Variants in ZNF624 observed in about 807,000 individuals in gnomAD.
ZNF624 encodes zinc finger protein 624.
Under a neutral mutation model 74.7 loss-of-function variants are expected in ZNF624, and 43 were observed. The ratio of observed to expected loss-of-function variants is 0.58; its 90% CI spans 0.45 to 0.74. ZNF624 has a LOEUF of 0.74. Ranked by LOEUF, ZNF624 falls within the 30% of genes least tolerant of loss-of-function variation. The pLI is 0.00. For synonymous variants in ZNF624, 331 were observed against 341.3 expected (o/e 0.97, Z 0.33); for missense variants, 820 against 1,030.0 (o/e 0.80, Z 2.79).
intron 3 of ZNF624, among the ~76,000 whole-genome samples, chr17:16,636,337 G>GGGAAGGTTTCTCTTTAT (rs1406059489): frequency 1.3e-5 from 2 of 152,098 alleles, no homozygotes; most frequent in African/African-American, 4.8e-5. Flanking sequence ...TAGTTGCTGA[G>GGGAAGGTTTCTCTTTAT]GGAAGGTTTC....
In ZNF624 at chr17:16,622,512, G is replaced by A; in HGVS notation, c.2374C>T (p.Leu792=). 1.2e-6 allele frequency: 2 copies of A among 1,613,848 alleles called. No individual in the cohort carries two copies. Among genetic ancestry groups the A allele is most frequent in the Non-Finnish European group, 1.7e-6 (2 of 1,179,854 alleles). ...CTCTGATGTAGGGTTAGCTGTGATAGAGTAATACAACCCTTTCCACATTCC... is the reference window on the plus strand; with the variant it reads ...CTCTGATGTAGGGTTAGCTGTGATAAAGTAATACAACCCTTTCCACATTCC... ...CKECGKGCIT[L]SQLTLHQRIH... is the part of the protein sequence containing the mutation. The change falls in exon 6 of 6, where the codon CTA becomes TTA. Residue 792 remains leucine (L), a synonymous_variant. Transcript: ENST00000311331.
At position 16,624,342 on chromosome 17, in the gene ZNF624, G is replaced by A. The variant is rs1279572216; in HGVS notation, c.544C>T (p.Gln182Ter). The A allele has an allele frequency of 1.9e-6, 3 of 1,613,464 alleles. No homozygotes were observed. The highest frequency in any genetic ancestry group is 2.5e-6 in the Non-Finnish European group (3 of 1,179,882). The change falls in exon 6 of 6, where the codon CAG becomes TAG. Residue 182 changes from glutamine (Q) to a stop codon, truncating the protein, a stop_gained. Coordinates refer to ENST00000311331, the MANE Select transcript of ZNF624 (RefSeq NM_020787.4). LOFTEE classifies it high-confidence loss of function. Reference protein sequence around the residue: ...NDRILRLQNNQENHLSQRIIP... With the variant: ...NDRILRLQNN The stretch of plus-strand genomic sequence containing the variant: ...ATTCTTTGACTCAAATGATTCTCCT[G>A]ATTATTTTGTAATCTCAATATCCTA...
intron 5 of ZNF624, among the ~76,000 whole-genome samples, chr17:16,630,536 G>A (rs1049945171): frequency 2.0e-5 from 3 of 152,072 alleles, no homozygotes; most frequent in Non-Finnish European, 2.9e-5. Flanking sequence ...CAGCCTGGGC[G>A]ACGAGAGTGA....
intron 3 of ZNF624, among the ~76,000 whole-genome samples, chr17:16,639,278 T>C (rs561420298): frequency 4.6e-5 from 7 of 152,210 alleles, no homozygotes; most frequent in African/African-American, 1.7e-4. Context: ...TTTAGATATG[T>C]ATGCTTGTCA....
Position 16,653,841 on chromosome 17 carries a change from C to A in ZNF624, c.-80G>T, listed in dbSNP as rs529939829. 2 of 152,924 alleles carry A rather than the reference C, an allele frequency of 1.3e-5. No individual in the cohort carries two copies. Among genetic ancestry groups the A allele is most frequent in the Non-Finnish European group, 2.9e-5 (2 of 68,142 alleles). 9.5% of individuals were successfully genotyped at this position (152,924 alleles called of 1,614,324 possible). ...GCTTCCAGCAATGGCGGCGGCTCGGCGGTGCCGGCCTCCAGGCAGGGCATT... is the reference window on the plus strand; with the variant it reads ...GCTTCCAGCAATGGCGGCGGCTCGGAGGTGCCGGCCTCCAGGCAGGGCATT... On this transcript the variant is annotated 5_prime_UTR_variant, in exon 1 of 6. Transcript: ENST00000311331.
intron 5 of ZNF624, among the ~76,000 whole-genome samples, chr17:16,630,188 T>C (rs999368611): frequency 6.6e-6 from 1 of 151,996 alleles, no homozygotes; most frequent in Non-Finnish European, 1.5e-5. Flanking sequence ...AGAATATAAC[T>C]GCCAATCTAA....
chr17:16,635,825 T>C (rs1432000331), intron 3 of ZNF624, among the ~76,000 whole-genome samples: 1 of 150,056 alleles, frequency 6.7e-6, no homozygotes, highest in Non-Finnish European at 1.5e-5. Flanking sequence ...AAAAACTCCA[T>C]AGTTCTGAGT....
rs1909674260 is a variant in ZNF624, at chr17:16,649,704, G to C, written c.41C>G (p.Pro14Arg). ...QDSTLSREGK[P>R]EGEIMAAVFF... The stretch of plus-strand genomic sequence containing the variant: ...CACAGCAGCCATAATCTCTCCCTCT[G>C]GTTTCCCCTCTCTGGAAAGAGTGGA... Residue 14 changes from proline to arginine, a missense_variant, in exon 2 of 6, where the codon CCA becomes CGA. Transcript: ENST00000311331. The C allele has an allele frequency of 6.2e-7, 1 of 1,613,972 alleles. No homozygotes were observed. The highest frequency in any genetic ancestry group is 8.5e-7 in the Non-Finnish European group (1 of 1,179,920).
At chr17:16,615,445 C>T in the ZNF624 span, among the ~76,000 whole-genome samples, 6 of 152,118 alleles carry the variant, frequency 3.9e-5, no homozygotes, top group Non-Finnish European at 8.8e-5. Context: ...TGGATAGTTG[C>T]ACAATATGAC....
intron 3 of ZNF624, among the ~76,000 whole-genome samples, chr17:16,645,655 C>T (rs547297970): frequency 1.1e-4 from 16 of 147,404 alleles, no homozygotes; most frequent in African/African-American, 3.7e-4. Flanking sequence ...AAACAAAACA[C>T]TAATTGAAAA....
At chr17:16,643,718 CT>C (rs1482354347) in intron 3 of ZNF624, among the ~76,000 whole-genome samples, 1 of 152,168 alleles carries the variant, frequency 6.6e-6, no homozygotes, top group Non-Finnish European at 1.5e-5. Context: ...GAAGGACAAT[CT>C]TTTTCTTCCC....
intron 3 of ZNF624, among the ~76,000 whole-genome samples, chr17:16,639,350 G>C (rs1242379545): frequency 6.6e-6 from 1 of 152,114 alleles, no homozygotes; most frequent in Non-Finnish European, 1.5e-5. Context: ...TTTGAAGCTT[G>C]TTTTAGATAA....
downstream of ZNF624, among the ~76,000 whole-genome samples, chr17:16,616,664 C>T (rs1424730968): frequency 2.0e-5 from 3 of 152,218 alleles, no homozygotes; most frequent in Non-Finnish European, 4.4e-5. Context: ...GGGAGAGGGT[C>T]TTCATGCCAC....
intron 3 of ZNF624, among the ~76,000 whole-genome samples, chr17:16,636,480 A>G (rs1909333461): frequency 6.6e-6 from 1 of 152,198 alleles, no homozygotes; most frequent in Non-Finnish European, 1.5e-5. Flanking sequence ...GTTAGCTAGT[A>G]TATGTCTTCT....
rs760113258 is a variant in ZNF624 at position 16,622,482 on chromosome 17, G to T, written c.2404C>A (p.His802Asn). 17 of 1,613,798 alleles carry T rather than the reference G, an allele frequency of 1.1e-5. No individual in the cohort carries two copies. The highest frequency in any genetic ancestry group is 1.4e-5 in the Non-Finnish European group (16 of 1,179,890). ...LSQLTLHQRI[H>N]TGERPYKCEE... ...CATTTATAGGGCCTCTCCCCAGTAT[G>T]AATTCTCTGATGTAGGGTTAGCTGT... Residue 802 changes from histidine (H) to asparagine (N), a missense_variant, in exon 6 of 6, where the codon CAT becomes AAT. Coordinates refer to ENST00000311331, the MANE Select transcript of ZNF624 (RefSeq NM_020787.4).
chr17:16,642,178 GA>G (rs1440981191), intron 3 of ZNF624, among the ~76,000 whole-genome samples: 1 of 152,040 alleles, frequency 6.6e-6, no homozygotes, highest in Non-Finnish European at 1.5e-5. Context: ...ATTTGGAAGT[GA>G]ATTTGTTTTT....
chr17:16,640,959 CAA>C (rs1360929170), intron 3 of ZNF624, among the ~76,000 whole-genome samples: 1 of 152,156 alleles, frequency 6.6e-6, no homozygotes, highest in Non-Finnish European at 1.5e-5. Context: ...AAAATACTAA[CAA>C]AGTGGATTCA....
At position 16,623,422 on chromosome 17, in the gene ZNF624, G is replaced by T. The variant is rs767570421; in HGVS notation, c.1464C>A (p.Ile488=). Residue 488 remains isoleucine, a synonymous_variant, in exon 6 of 6, where the codon ATC becomes ATA. Coordinates refer to ENST00000311331, the MANE Select transcript of ZNF624 (RefSeq NM_020787.4). This position sits in a 1 kb window ranked among gnomAD's most constrained non-coding sequence, Gnocchi z 5.3. Reference sequence around the variant, plus strand: ...CCCCAGTGTGAGTTCTTATATGTACGATAAGGCTTGAATTACTTCTATAGG... The same window carrying T: ...CCCCAGTGTGAGTTCTTATATGTACTATAAGGCTTGAATTACTTCTATAGG... ...GKAYRSNSSL[I]VHIRTHTGEK... 5 of 1,613,584 alleles carry T rather than the reference G, an allele frequency of 3.1e-6. No homozygotes were observed. Among genetic ancestry groups the T allele is most frequent in the African/African-American group, 1.3e-5 (1 of 74,788 alleles).
chr17:16,628,094 T>C (rs1370857009), intron 5 of ZNF624, among the ~76,000 whole-genome samples: 1 of 152,030 alleles, frequency 6.6e-6, no homozygotes, highest in Non-Finnish European at 1.5e-5. Flanking sequence ...ACCCCATCTC[T>C]ACTAAAAAAT....
Sources: gnomAD v4.1 joint callset for allele counts (sites outside exome capture counted in the v4.1 genomes callset) on GRCh38, gnomAD v4.1.1 for gene constraint, Gnocchi (gnomAD v3.1) non-coding constraint, MANE v1.5 for transcripts, NCBI Gene and HGNC (gene_info 2026-07-23, HGNC 2026-07-21) for gene names.